Variants in DAB1 observed in about 807,000 individuals in gnomAD.
The protein encoded by DAB1 is DAB adaptor protein 1.
In DAB1, 15 loss-of-function variants were observed where a neutral mutation model predicts 64.6. The ratio of observed to expected loss-of-function variants is 0.23; its 90% CI spans 0.16 to 0.36. The LOEUF (loss-of-function observed/expected upper bound fraction) is 0.36. DAB1 is among the 10% of genes least tolerant of loss of function. The probability of loss-of-function intolerance (pLI) is 1.00; values close to 1 mark genes in which losing one functional copy is unlikely to be tolerated. For synonymous variants in DAB1, 235 were observed against 251.9 expected (o/e 0.93, Z 0.64); for missense variants, 596 against 706.7 (o/e 0.84, Z 1.78).
intron 5 of DAB1, among the ~76,000 whole-genome samples, chr1:58,137,542 G>A (rs113565429): frequency 0.016 from 2,417 of 151,478 alleles, 58 homozygotes; most frequent in African/African-American, 0.055. Context: ...TCCATCCATC[G>A]GTCTATCCAT....
intron 6 of DAB1, among the ~76,000 whole-genome samples, chr1:57,665,629 A>AT (rs1216315860): frequency 1.3e-5 from 2 of 152,110 alleles, no homozygotes; most frequent in Non-Finnish European, 2.9e-5. Flanking sequence ...AGATAGTGAC[A>AT]TTTTCATTTC....
At chr1:57,828,856 AC>A (rs1035970598) in intron 1 of DAB1, among the ~76,000 whole-genome samples, 2 of 152,224 alleles carry the variant, frequency 1.3e-5, no homozygotes, top group Non-Finnish European at 2.9e-5. Flanking sequence ...AAGATGACAA[AC>A]CGGTGATTTA....
chr1:57,799,504 G>A (rs1316375326), intron 6 of DAB1, among the ~76,000 whole-genome samples: 2 of 151,420 alleles, frequency 1.3e-5, no homozygotes, highest in Non-Finnish European at 2.9e-5. Flanking sequence ...GTGTTTCCAG[G>A]CCAGACTGAT....
intron 5 of DAB1, among the ~76,000 whole-genome samples, chr1:58,025,234 T>C (rs1194317256): frequency 2.6e-5 from 4 of 152,058 alleles, no homozygotes; most frequent in African/African-American, 7.2e-5. Flanking sequence ...TACAATATCT[T>C]ATGTTGCTGG....
chr1:57,590,956 C>A (rs1370829973), intron 7 of DAB1, among the ~76,000 whole-genome samples: 3 of 152,122 alleles, frequency 2.0e-5, no homozygotes, highest in African/African-American at 7.2e-5. Context: ...TAATTCAGTA[C>A]TGAATCAAAT....
chr1:58,192,353 T>C (rs1034150408), intron 4 of DAB1, among the ~76,000 whole-genome samples: 1 of 152,354 alleles, frequency 6.6e-6, no homozygotes, highest in Non-Finnish European at 1.5e-5. Flanking sequence ...GGGCTTTTAA[T>C]GTACCCATCA....
chr1:58,229,685 G>A (rs1659684616), intron 4 of DAB1, among the ~76,000 whole-genome samples: 1 of 152,124 alleles, frequency 6.6e-6, no homozygotes, highest in Admixed American at 6.5e-5. Context: ...GGGTCATGGG[G>A]GGCATTTGAA....
chr1:57,339,085 T>C (rs1447680576), intron 1 of DAB1, among the ~76,000 whole-genome samples: 2 of 152,118 alleles, frequency 1.3e-5, no homozygotes, highest in Non-Finnish European at 2.9e-5. Context: ...GTTACTGTAA[T>C]GTTACTGCTC....
intron 5 of DAB1, among the ~76,000 whole-genome samples, chr1:58,110,604 G>A (rs1038981235): frequency 6.6e-6 from 1 of 152,170 alleles, no homozygotes; most frequent in Non-Finnish European, 1.5e-5. Flanking sequence ...GTCCAGCTAG[G>A]TGATAGCAAA....
At chr1:57,679,925 G>T (rs1646616757) in intron 6 of DAB1, among the ~76,000 whole-genome samples, 1 of 152,126 alleles carries the variant, frequency 6.6e-6, no homozygotes, top group Non-Finnish European at 1.5e-5. Context: ...GCTTTACTTT[G>T]TTCATATAAT....
intron 6 of DAB1, among the ~76,000 whole-genome samples, chr1:57,815,596 G>C (rs12085404): frequency 0.018 from 2,663 of 151,786 alleles, 85 homozygotes; most frequent in African/African-American, 0.062. Flanking sequence ...TGTAAAGAGA[G>C]GTACCCAAGG....
chr1:58,061,293 G>A (rs548191531), intron 5 of DAB1, among the ~76,000 whole-genome samples: 6 of 152,268 alleles, frequency 3.9e-5, no homozygotes, highest in Admixed American at 2.6e-4. Context: ...GCCACAAACC[G>A]GGCGACTTCA....
chr1:57,161,795 T>C (rs1660778847), intron 2 of DAB1, among the ~76,000 whole-genome samples: 2 of 151,772 alleles, frequency 1.3e-5, no homozygotes, highest in Non-Finnish European at 2.9e-5. Context: ...TGCATTCAAG[T>C]GTATACTCTT....
At chr1:57,066,937 C>A (rs1035445180) in intron 8 of DAB1, among the ~76,000 whole-genome samples, 29 of 152,034 alleles carry the variant, frequency 1.9e-4, no homozygotes, top group Non-Finnish European at 3.5e-4. Context: ...AAGCTGAGAC[C>A]ACTGGCTGGG....
chr1:57,742,024 T>C (rs1254926389), intron 6 of DAB1, among the ~76,000 whole-genome samples: 2 of 152,172 alleles, frequency 1.3e-5, no homozygotes, highest in African/African-American at 4.8e-5. Flanking sequence ...TTCAACCACC[T>C]GGAGCAGGTT....
intron 2 of DAB1, among the ~76,000 whole-genome samples, chr1:57,256,618 A>G (rs1431537715): frequency 6.6e-6 from 1 of 152,160 alleles, no homozygotes; most frequent in East Asian, 1.9e-4. Flanking sequence ...TCTAGACACC[A>G]CAGATCTCTT....
chr1:58,238,838 C>T (rs1030664275), intron 4 of DAB1, among the ~76,000 whole-genome samples: 1 of 152,164 alleles, frequency 6.6e-6, no homozygotes. Flanking sequence ...CTTTCTTATA[C>T]TTCTGCATGG....
intron 5 of DAB1, among the ~76,000 whole-genome samples, chr1:58,133,577 G>A (rs116127417): frequency 0.019 from 2,904 of 152,236 alleles, 43 homozygotes; most frequent in Non-Finnish European, 0.028. Flanking sequence ...TATACTAAAT[G>A]TTTCTTTCAC....
chr1:57,702,035 A>G lies in DAB1; in HGVS notation n.552-52370T>C, dbSNP rs545663448. On this transcript the variant is annotated intron_variant and non_coding_transcript_variant, in intron 6 of 20. Coordinates refer to the DAB1 transcript ENST00000485760. ...CTTGCTCTGTCCATTTGAGGAGGCC[A>G]TGGTTCCCTGTTTGCTGCCATTTCT... 2.6e-5 allele frequency among the ~76,000 whole-genome samples: 4 copies of G among 152,314 alleles called. No individual in the cohort carries two copies. The East Asian group carries it at 7.7e-4, about 29-fold the overall frequency.
Sources: allele counts gnomAD v4.1 joint callset (sites outside exome capture counted in the v4.1 genomes callset), GRCh38; gene constraint gnomAD v4.1.1; transcripts MANE v1.5; gene names NCBI Gene and HGNC (gene_info 2026-07-23, HGNC 2026-07-21).